Variants in SLC25A48 observed in about 807,000 individuals in gnomAD.
The protein encoded by SLC25A48 is solute carrier family 25 member 48.
SLC25A48 carries 29 observed loss-of-function variants against 32.2 expected under a neutral mutation model. The observed-to-expected ratio is 0.90, with a 90% confidence interval of 0.67 to 1.23. The LOEUF (loss-of-function observed/expected upper bound fraction) is 1.23, where lower values mean the gene tolerates loss of function less well. Among genes scored for constraint, SLC25A48 ranks in the 50% most tolerant of loss-of-function variants. The pLI is 0.00. For missense variants in SLC25A48, 399 were observed against 422.7 expected, an observed-to-expected ratio of 0.94 and a Z score of 0.49; for synonymous variants, 164 against 172.3, an observed-to-expected ratio of 0.95 and a Z score of 0.38.
intron 3 of SLC25A48, among the ~76,000 whole-genome samples, chr5:135,735,856 T>C (rs1017346310): frequency 1.3e-5 from 2 of 151,964 alleles, no homozygotes; most frequent in Non-Finnish European, 2.9e-5. Flanking sequence ...CTGAGAGAGG[T>C]CTGAAAGAGA....
intron 4 of SLC25A48, among the ~76,000 whole-genome samples, chr5:135,870,580 G>A (rs1761556382): frequency 6.6e-6 from 1 of 152,298 alleles, no homozygotes. Context: ...GAGGGGCCAA[G>A]AGCCCCAGTG....
At chr5:135,769,504 C>A (rs942057930) in intron 3 of SLC25A48, among the ~76,000 whole-genome samples, 11 of 151,668 alleles carry the variant, frequency 7.3e-5, no homozygotes, top group Non-Finnish European at 1.6e-4. Flanking sequence ...GAAGGTATTA[C>A]TCCTAATATT....
intron 7 of SLC25A48, among the ~76,000 whole-genome samples, chr5:135,886,560 A>T (rs1762719080): frequency 7.1e-6 from 1 of 140,744 alleles, no homozygotes; most frequent in Admixed American, 7.3e-5. Flanking sequence ...GTCTTCCTCC[A>T]TCAACACATT....
In SLC25A48 at chr5:135,782,167, ATAT is replaced by A. The variant is rs1410917897; in HGVS notation, c.-520-30351_-520-30349del. Among the ~76,000 whole-genome samples, 5 of 116,568 alleles carry A rather than the reference ATAT, an allele frequency of 4.3e-5. 1 individual carries two copies. The East Asian group carries it at 1.1e-3, about 25-fold the overall frequency. The allele number at this position is 116,568 out of a possible 152,430, so 76.5% of individuals were successfully genotyped here. On this transcript the variant is annotated intron_variant, in intron 3 of 10. Coordinates refer to the SLC25A48 transcript ENST00000646290. ...TTCCTAATATCAAGGAGGGGAGACG[ATAT>A]TATTCCCAATATCGCAGGAAGTCTC...
At chr5:135,689,865 C>T (rs1754103838) in intron 3 of SLC25A48, among the ~76,000 whole-genome samples, 1 of 152,238 alleles carries the variant, frequency 6.6e-6, no homozygotes, top group African/African-American at 2.4e-5. Context: ...TATGAACCCA[C>T]TCCCATTCTA....
chr5:135,837,894 G>C (rs146080744), intron 1 of SLC25A48, among the ~76,000 whole-genome samples: 105 of 152,310 alleles, frequency 6.9e-4, no homozygotes, highest in African/African-American at 2.5e-3. Flanking sequence ...CAGTAGAGTG[G>C]GATGTTACAG....
chr5:135,870,611 G>A (rs1264969676), intron 4 of SLC25A48, among the ~76,000 whole-genome samples: 1 of 152,138 alleles, frequency 6.6e-6, no homozygotes, highest in African/African-American at 2.4e-5. Context: ...ACTGTTTAGG[G>A]CACAGCCTGG....
chr5:135,646,830 G>T (rs185802529), intron 3 of SLC25A48, among the ~76,000 whole-genome samples: 4 of 151,540 alleles, frequency 2.6e-5, no homozygotes, highest in African/African-American at 7.3e-5. Flanking sequence ...TGGGGGAAAT[G>T]GGAAGATGTT....
chr5:135,688,782 T>C (rs4246782), intron 3 of SLC25A48, among the ~76,000 whole-genome samples: 123,400 of 151,906 alleles, frequency 0.81, 50,362 homozygotes, highest in Middle Eastern at 0.89. Flanking sequence ...AATTGTACAA[T>C]GGAGAGATGC....
At chr5:135,726,255 T>C (rs1000764585) in intron 3 of SLC25A48, among the ~76,000 whole-genome samples, 5 of 152,226 alleles carry the variant, frequency 3.3e-5, no homozygotes, top group Admixed American at 2.0e-4. Context: ...AGCTTTTAAT[T>C]TTGAGATCAT....
intron 2 of SLC25A48, among the ~76,000 whole-genome samples, chr5:135,848,588 C>T (rs1270217009): frequency 6.6e-6 from 1 of 152,154 alleles, no homozygotes; most frequent in Non-Finnish European, 1.5e-5. Flanking sequence ...TAGTACTTGT[C>T]TTCATCTAAA....
intron 3 of SLC25A48, among the ~76,000 whole-genome samples, chr5:135,733,016 T>C (rs757080872): frequency 1.3e-5 from 2 of 152,174 alleles, no homozygotes; most frequent in African/African-American, 2.4e-5. Context: ...GGAGGACCCA[T>C]GCATAGTGAG....
chr5:135,773,454 C>T (rs772417030), intron 3 of SLC25A48, among the ~76,000 whole-genome samples: 6 of 151,380 alleles, frequency 4.0e-5, no homozygotes, highest in Admixed American at 6.6e-5. Flanking sequence ...GGTGTACACC[C>T]TCCTGTGATA....
chr5:135,819,438 C>G (rs1388603182), intron 4 of SLC25A48, among the ~76,000 whole-genome samples: 1 of 152,188 alleles, frequency 6.6e-6, no homozygotes, highest in Admixed American at 6.5e-5. Flanking sequence ...CAGGAACAAA[C>G]TATTGATTCG....
At chr5:135,822,756 G>C (rs1415590795) in intron 4 of SLC25A48, among the ~76,000 whole-genome samples, 2 of 152,186 alleles carry the variant, frequency 1.3e-5, no homozygotes, top group African/African-American at 2.4e-5. Context: ...ATAATTCACA[G>C]CGAACAGAGC....
intron 3 of SLC25A48, among the ~76,000 whole-genome samples, chr5:135,778,250 G>A (rs1007533594): frequency 2.0e-4 from 30 of 151,746 alleles, no homozygotes; most frequent in Non-Finnish European, 4.4e-4. Flanking sequence ...TATTCACGGA[G>A]AAAAAGGATG....
chr5:135,670,064 G>C (rs1289276788), intron 3 of SLC25A48, among the ~76,000 whole-genome samples: 1 of 152,132 alleles, frequency 6.6e-6, no homozygotes, highest in African/African-American at 2.4e-5. Flanking sequence ...TCAATTAACT[G>C]GGAGTTTCTT....
In SLC25A48 at chr5:135,753,500, A is replaced by G. The variant is rs141683782; in HGVS notation, c.-520-59023A>G. ...GTTGCACACTTAGGGTGATATTAGC[A>G]GTAATATCTAGAGGACATTAAGCCT... On this transcript the variant is annotated intron_variant, in intron 3 of 10. Coordinates refer to the SLC25A48 transcript ENST00000646290. 6.4e-3 allele frequency among the ~76,000 whole-genome samples: 977 copies of G among 152,156 alleles called. 10 individuals are homozygous for G. The highest frequency in any genetic ancestry group is 0.01 in the Middle Eastern group (3 of 294).
At chr5:135,605,024 T>C (rs1054472224) in intron 1 of SLC25A48, among the ~76,000 whole-genome samples, 4 of 152,226 alleles carry the variant, frequency 2.6e-5, no homozygotes, top group African/African-American at 9.6e-5. Flanking sequence ...AATATAAACA[T>C]TGAATGTCAT....
Sources: gnomAD v4.1 joint callset for allele counts (sites outside exome capture counted in the v4.1 genomes callset) on GRCh38, gnomAD v4.1.1 for gene constraint, MANE v1.5 for transcripts, NCBI Gene and HGNC (gene_info 2026-07-23, HGNC 2026-07-21) for gene names.